PSMD7: variants seen among roughly 807,000 people sequenced by gnomAD.
The protein encoded by PSMD7 is proteasome 26S subunit, non-ATPase 7.
Under a neutral mutation model 36.4 loss-of-function variants are expected in PSMD7, and 13 were observed. The observed-to-expected ratio is 0.36, with a 90% CI of 0.23 to 0.57. The LOEUF is 0.57. Among genes scored for constraint, PSMD7 ranks in the 20% least tolerant of loss-of-function variants. The pLI is 0.83. For missense variants in PSMD7, 298 were observed against 393.6 expected (o/e 0.76, Z 2.06); for synonymous variants, 186 against 151.0 (o/e 1.23, Z -1.70).
rs2142566971 is a variant in PSMD7, at chr16:74,305,822, A to G, written c.*89A>G. The G allele has an allele frequency of 7.4e-7, 1 of 1,353,238 alleles. No individual in the cohort carries two copies. Among genetic ancestry groups the G allele is most frequent in the Non-Finnish European group, 9.5e-7 (1 of 1,052,092 alleles). 83.8% of individuals were successfully genotyped at this position (1,353,238 alleles called of 1,614,324 possible). On this transcript the variant is annotated 3_prime_UTR_variant, in exon 7 of 7. Transcript: ENST00000219313. ...GCTAGAGGGTTCTTTTTCACTTGACATGCTTATTAGAAAGCTGACCCAACA... is the reference window on the plus strand; with the variant it reads ...GCTAGAGGGTTCTTTTTCACTTGACGTGCTTATTAGAAAGCTGACCCAACA...
At chr16:74,299,406 T>A (rs2142561862) in intron 1 of PSMD7, among the ~76,000 whole-genome samples, 1 of 152,304 alleles carries the variant, frequency 6.6e-6, no homozygotes, top group South Asian at 2.1e-4. Flanking sequence ...TGAGACAGGG[T>A]CTGCCGAGGC....
intron 6 of PSMD7, chr16:74,304,719 T>A (rs912540213): frequency 5.1e-6 from 1 of 195,796 alleles, no homozygotes; most frequent in African/African-American, 2.3e-5. Flanking sequence ...CCACTAGGTG[T>A]CCTTCTCAAC....
intron 1 of PSMD7, among the ~76,000 whole-genome samples, chr16:74,298,445 G>C (rs1038498350): frequency 6.6e-6 from 1 of 152,194 alleles, no homozygotes; most frequent in African/African-American, 2.4e-5. Flanking sequence ...AATTCAGCTG[G>C]ATCCGGAAAA....
chr16:74,305,462 A>T lies in PSMD7; in HGVS notation c.704A>T (p.Asn235Ile), dbSNP rs201421180. ...QIIYQLQDVFNLLPDVSLQEF... is the reference protein window; with the variant it reads ...QIIYQLQDVFILLPDVSLQEF... ...ATCTACCAGCTGCAGGACGTCTTCA[A>T]CCTGCTGCCAGATGTCAGCCTGCAG... Residue 235 changes from asparagine (N) to isoleucine (I), a missense_variant, in exon 7 of 7, where the codon AAC (asparagine) becomes ATC (isoleucine). Transcript: ENST00000219313. The T allele has an allele frequency of 3.7e-6, 6 of 1,614,152 alleles. No individual in the cohort carries two copies. Among genetic ancestry groups the T allele is most frequent in the Non-Finnish European group, 5.1e-6 (6 of 1,180,022 alleles).
Position 74,296,868 on chromosome 16 carries a change from G to T in PSMD7, c.-47G>T, listed in dbSNP as rs766953298. 5.0e-6 allele frequency: 8 copies of T among 1,603,994 alleles called. No individual in the cohort carries two copies. The South Asian group carries it at 8.9e-5, about 18-fold the overall frequency. On this transcript the variant is annotated 5_prime_UTR_variant, in exon 1 of 7. Transcript: ENST00000219313. Reference sequence around the variant, plus strand: ...ACCGGTGACCGCTACTGCTGCCGGTGTTTGCGTGTGGCAGGGAGCCAGGCC... The same window carrying T: ...ACCGGTGACCGCTACTGCTGCCGGTTTTTGCGTGTGGCAGGGAGCCAGGCC...
At chr16:74,300,036 T>G in intron 1 of PSMD7, 79 bp from the exon 2 acceptor site, 1 of 1,232,410 alleles carries the variant, frequency 8.1e-7, no homozygotes, top group Non-Finnish European at 1.2e-6. Flanking sequence ...GCCATTGATA[T>G]TTCCCATTGA....
chr16:74,304,171 T>C (rs2142565731), intron 5 of PSMD7, 132 bp from the exon 6 acceptor site: 2 of 734,108 alleles, frequency 2.7e-6, no homozygotes, highest in East Asian at 5.2e-5. Context: ...TACCCACCCT[T>C]GCCATAGAAA....
Position 74,296,853 on chromosome 16 carries a change from G to T in PSMD7, c.-62G>T. On this transcript the variant is annotated 5_prime_UTR_variant, in exon 1 of 7. Transcript: ENST00000219313. The stretch of plus-strand genomic sequence containing the variant: ...TGGGCCTGAAAGGGTACCGGTGACC[G>T]CTACTGCTGCCGGTGTTTGCGTGTG... The T allele has an allele frequency of 6.4e-7, 1 of 1,569,916 alleles. No homozygotes were observed. Among genetic ancestry groups the T allele is most frequent in the Non-Finnish European group, 8.7e-7 (1 of 1,146,642 alleles).
intron 1 of PSMD7, among the ~76,000 whole-genome samples, chr16:74,299,183 G>A (rs1253208221): frequency 6.6e-6 from 1 of 152,146 alleles, no homozygotes; most frequent in African/African-American, 2.4e-5. Context: ...AATTAACAGT[G>A]GCTTTTGTCT....
Position 74,301,614 on chromosome 16 carries a change from G to A in PSMD7, c.319G>A (p.Ala107Thr). The stretch of plus-strand genomic sequence containing the variant: ...CCCTAAACTACACAAGAATGACATT[G>A]CCATCAACGAACTCATGAAAAGATA... ...TGPKLHKNDI[A>T]INELMKRYCP... The change falls in exon 4 of 7, where the codon GCC becomes ACC. Residue 107 changes from alanine (A) to threonine (T), a missense_variant. By Grantham distance (58) the Ala-to-Thr change is moderately conservative. Coordinates refer to ENST00000219313, the MANE Select transcript of PSMD7 (RefSeq NM_002811.5). 1 of 1,613,498 alleles carries A rather than the reference G, an allele frequency of 6.2e-7. No homozygotes were observed. The highest frequency in any genetic ancestry group is 1.1e-5 in the South Asian group (1 of 91,070).
In PSMD7 at chr16:74,303,980, G is replaced by A. The variant is rs528351277; in HGVS notation, c.439-323G>A. 166 of 192,262 alleles carry A rather than the reference G, an allele frequency of 8.6e-4. 3 individuals are homozygous for A. In the South Asian group the frequency reaches 0.015, roughly 17 times the overall value. The allele number at this position is 192,262 out of a possible 1,614,324, so 11.9% of individuals were successfully genotyped here. On this transcript the variant is annotated intron_variant, in intron 5 of 6. Transcript: ENST00000219313. Reference sequence around the variant, plus strand: ...ACCAAAGTGCTGAGATTACAGGTCCGTGCCTGGCCAAAGCGGTATACTTTT... The same window carrying A: ...ACCAAAGTGCTGAGATTACAGGTCCATGCCTGGCCAAAGCGGTATACTTTT...
chr16:74,303,532 C>T (rs2034172361), intron 5 of PSMD7, among the ~76,000 whole-genome samples: 1 of 152,196 alleles, frequency 6.6e-6, no homozygotes, highest in Admixed American at 6.5e-5. Context: ...TGGGTGACCA[C>T]CATGAACCAT....
Position 74,305,816 on chromosome 16 carries a change from C to CT in PSMD7, c.*85dup. 1 of 1,355,820 alleles carries CT rather than the reference C, an allele frequency of 7.4e-7. No individual in the cohort carries two copies. The highest frequency in any genetic ancestry group is 2.0e-5 in the South Asian group (1 of 48,816). 84.0% of individuals were successfully genotyped at this position (1,355,820 alleles called of 1,614,324 possible). On this transcript the variant is annotated 3_prime_UTR_variant, in exon 7 of 7. Coordinates refer to ENST00000219313, the MANE Select transcript of PSMD7 (RefSeq NM_002811.5). ...TGTGCTGCTAGAGGGTTCTTTTTCA[C>CT]TTGACATGCTTATTAGAAAGCTGAC...
intron 5 of PSMD7, among the ~76,000 whole-genome samples, chr16:74,303,802 C>T (rs1225523025): frequency 4.6e-5 from 7 of 151,796 alleles, no homozygotes; most frequent in Admixed American, 1.3e-4. Flanking sequence ...ACTCACTGCA[C>T]CCTCCACCTC....
At chr16:74,299,575 G>C (rs1176799829) in intron 1 of PSMD7, 1 of 455,176 alleles carries the variant, frequency 2.2e-6, no homozygotes, top group East Asian at 7.0e-5. Context: ...TTTGTAGACA[G>C]GGTTTCGCCA....
rs558647479 is a variant in PSMD7, at chr16:74,305,304, G to A, written c.546G>A (p.Thr182=). 66 of 1,610,390 alleles carry A rather than the reference G, an allele frequency of 4.1e-5. No individual in the cohort carries two copies. The highest frequency in any genetic ancestry group is 5.2e-5 in the Non-Finnish European group (61 of 1,177,806). Reference sequence around the variant, plus strand: ...GTTATTACAGAGATATCAAAGACACGACGGTGGGCACTCTGTCCCAGCGGA... The same window carrying A: ...GTTATTACAGAGATATCAAAGACACAACGGTGGGCACTCTGTCCCAGCGGA... ...VEHLLRDIKD[T]TVGTLSQRIT... The change falls in exon 7 of 7, where the codon ACG becomes ACA. Residue 182 remains threonine (T), a synonymous_variant. Transcript: ENST00000219313.
At chr16:74,302,461 T>C (rs887469151) in intron 5 of PSMD7, among the ~76,000 whole-genome samples, 169 bp downstream of exon 5, 1 of 152,140 alleles carries the variant, frequency 6.6e-6, no homozygotes, top group Non-Finnish European at 1.5e-5. Flanking sequence ...GAGAGGAACA[T>C]AGAAATCTAA....
intron 1 of PSMD7, among the ~76,000 whole-genome samples, chr16:74,298,646 T>G (rs2034132804): frequency 6.6e-6 from 1 of 152,058 alleles, no homozygotes. Flanking sequence ...GCGGATTGCT[T>G]GAGCTTAGGA....
intron 1 of PSMD7, among the ~76,000 whole-genome samples, chr16:74,298,636 G>C (rs1394778322): frequency 6.6e-6 from 1 of 152,194 alleles, no homozygotes; most frequent in African/African-American, 2.4e-5. Context: ...ACCGAGGTGG[G>C]CGGATTGCTT....
Sources: gnomAD v4.1 joint callset for allele counts (sites outside exome capture counted in the v4.1 genomes callset) on GRCh38, gnomAD v4.1.1 for gene constraint, MANE v1.5 for transcripts, NCBI Gene and HGNC (gene_info 2026-07-23, HGNC 2026-07-21) for gene names.